The following AGBL1 variants were observed in gnomAD, a reference collection of about 807,000 sequenced individuals.
The protein encoded by AGBL1 is cytosolic carboxypeptidase 4.
Under a neutral mutation model 118.9 loss-of-function variants are expected in AGBL1, and 130 were observed. That is an observed-to-expected ratio of 1.09 (90% CI 0.95 to 1.26). AGBL1 has a LOEUF of 1.26. Ranked by LOEUF, AGBL1 falls within the 50% of genes most tolerant of loss-of-function variation. The pLI is 0.00. For missense variants in AGBL1, 1,584 were observed against 1,298.1 expected (o/e 1.22, Z -3.38); for synonymous variants, 555 against 478.9 (o/e 1.16, Z -2.08).
Position 86,980,590 on chromosome 15 carries a change from C to A in AGBL1, c.3222-7397C>A, listed in dbSNP as rs182913335. Among the ~76,000 whole-genome samples, 24 of 152,236 alleles carry A rather than the reference C, an allele frequency of 1.6e-4. No individual in the cohort carries two copies. The East Asian group carries it at 4.6e-3, about 29-fold the overall frequency. On this transcript the variant is annotated intron_variant, in intron 23 of 24. Coordinates refer to the AGBL1 transcript ENST00000441037. The stretch of plus-strand genomic sequence containing the variant: ...CTCCTAGGTTGTGGGCTGCAGCAGA[C>A]ATATTAGAGAGATTTTTTGAGAAAA...
chr15:86,571,253 C>A (rs537494962), intron 21 of AGBL1, among the ~76,000 whole-genome samples: 10 of 152,336 alleles, frequency 6.6e-5, no homozygotes, highest in African/African-American at 2.2e-4. Context: ...CTGCTCTTCA[C>A]TCCCAACATG....
At chr15:86,776,049 A>G (rs978387865) in intron 22 of AGBL1, among the ~76,000 whole-genome samples, 5 of 152,154 alleles carry the variant, frequency 3.3e-5, no homozygotes, top group Admixed American at 1.3e-4. Context: ...GTAGCTGACA[A>G]TCTGGTCTCT....
At chr15:86,749,863 C>T (rs2077819329) in intron 22 of AGBL1, among the ~76,000 whole-genome samples, 2 of 152,154 alleles carry the variant, frequency 1.3e-5, no homozygotes, top group Non-Finnish European at 2.9e-5. Flanking sequence ...ATGAAGCCCA[C>T]TTGATCATGG....
Position 86,279,783 on chromosome 15 carries a change from G to A in AGBL1, c.2220G>A (p.Met740Ile), listed in dbSNP as rs775933627. 1 of 1,613,396 alleles carries A rather than the reference G, an allele frequency of 6.2e-7. No individual in the cohort carries two copies. Among genetic ancestry groups the A allele is most frequent in the African/African-American group, 1.3e-5 (1 of 74,894 alleles). Residue 740 changes from methionine to isoleucine, a missense_variant and splice_region_variant, in exon 16 of 23, where the codon ATG (methionine) becomes ATA (isoleucine). Coordinates refer to ENST00000614907, the MANE Select transcript of AGBL1 (RefSeq NM_001386094.1). The stretch of plus-strand genomic sequence containing the variant: ...ATCCCTATACCTACACAGCCCTCAT[G>A]GTAACTTCCTCTTTATAGCATCACT... ...YHYPYTYTAL[M>I]THLDILEKSV...
rs2084684175 is a variant in AGBL1, at chr15:86,613,493, C to G, written c.2994+58956C>G. 6.6e-6 allele frequency among the ~76,000 whole-genome samples: 1 copy of G among 152,082 alleles called. No homozygotes were observed. Among genetic ancestry groups the G allele is most frequent in the Non-Finnish European group, 1.5e-5 (1 of 68,042 alleles). ...GACAGAGAAGGCTTGCTGTGAAGTA[C>G]TTAAAGGCTGCCATGTGAAAGAGAG... On this transcript the variant is annotated intron_variant, in intron 21 of 22. Transcript: ENST00000614907. The surrounding 1 kb of genome is among the most constrained non-coding windows in gnomAD (Gnocchi z 4.2).
At chr15:86,196,451 C>G (rs1239216921) in intron 5 of AGBL1, among the ~76,000 whole-genome samples, 1 of 152,074 alleles carries the variant, frequency 6.6e-6, no homozygotes, top group Non-Finnish European at 1.5e-5. Context: ...CTCAGAATCC[C>G]CAAATGTACT....
chr15:86,959,989 C>G lies in AGBL1; in HGVS notation c.3222-27998C>G, dbSNP rs184332937. The stretch of plus-strand genomic sequence containing the variant: ...TTGTGTCATCTCTAAAGATGCCCAC[C>G]AACTCTTTTAAGGTTTCGGGTAAAT... On this transcript the variant is annotated intron_variant, in intron 23 of 24. Transcript: ENST00000441037. Among the ~76,000 whole-genome samples the G allele has an allele frequency of 1.0e-3, 155 of 152,196 alleles. 1 individual carries two copies. The highest frequency in any genetic ancestry group is 8.8e-5 in the Non-Finnish European group (6 of 67,982).
At chr15:87,027,488 A>T (rs1470038470) in intron 24 of AGBL1, among the ~76,000 whole-genome samples, 5 of 132,636 alleles carry the variant, frequency 3.8e-5, no homozygotes, top group Non-Finnish European at 8.0e-5. Flanking sequence ...CATTATATAG[A>T]TGTATTATGC....
intron 23 of AGBL1, among the ~76,000 whole-genome samples, chr15:86,953,906 CT>C (rs2080904507): frequency 6.6e-6 from 1 of 151,994 alleles, no homozygotes; most frequent in Non-Finnish European, 1.5e-5. Context: ...ATTTGGATGC[CT>C]TTTATTTCTT....
rs76351693 is a variant in AGBL1, at chr15:86,272,568, C to T, written c.2075+862C>T. ...ATTCTAGAGTTTGGGATAGTTGTCA[C>T]TGTGGAAAAGAAACAGAGTATATAC... is the stretch of plus-strand genomic sequence containing the variant. On this transcript the variant is annotated intron_variant, in intron 15 of 22. Transcript: ENST00000614907. Among the ~76,000 whole-genome samples, 636 of 152,266 alleles carry T rather than the reference C, an allele frequency of 4.2e-3. 4 individuals carry two copies. The highest frequency in any genetic ancestry group is 8.1e-3 in the Admixed American group (124 of 15,296).
At chr15:86,654,076 C>T (rs529326895) in intron 21 of AGBL1, among the ~76,000 whole-genome samples, 16 of 152,186 alleles carry the variant, frequency 1.1e-4, no homozygotes, top group African/African-American at 2.6e-4. Flanking sequence ...AGAATGACTG[C>T]AGAGTTTCAC....
intron 18 of AGBL1, among the ~76,000 whole-genome samples, chr15:86,410,875 A>G (rs1596080865): frequency 1.3e-5 from 1 of 77,336 alleles, no homozygotes. Flanking sequence ...TATATAATAT[A>G]TATTATAATA....
intron 6 of AGBL1, among the ~76,000 whole-genome samples, chr15:86,239,214 G>A (rs910819471): frequency 3.3e-5 from 5 of 152,166 alleles, no homozygotes; most frequent in African/African-American, 1.2e-4. Flanking sequence ...CTTCGGAAAA[G>A]CATCTTTAAT....
intron 18 of AGBL1, among the ~76,000 whole-genome samples, chr15:86,441,763 G>C (rs1461127062): frequency 6.6e-6 from 1 of 152,212 alleles, no homozygotes; most frequent in Non-Finnish European, 1.5e-5. Flanking sequence ...AATAATAATG[G>C]AGTTGGCAGC....
intron 18 of AGBL1, among the ~76,000 whole-genome samples, chr15:86,433,266 C>T (rs201379346): frequency 0.011 from 845 of 74,414 alleles, 5 homozygotes; most frequent in Non-Finnish European, 0.014. Flanking sequence ...CCTCCTTCTT[C>T]TTTTTTTTTT....
chr15:86,663,814 A>T (rs534674671), intron 21 of AGBL1, among the ~76,000 whole-genome samples: 6 of 152,272 alleles, frequency 3.9e-5, no homozygotes, highest in Admixed American at 3.9e-4. Flanking sequence ...CTCTACTGCT[A>T]CTTAATTACA....
intron 22 of AGBL1, among the ~76,000 whole-genome samples, chr15:86,678,906 C>T (rs868669238): frequency 1.8e-4 from 27 of 152,112 alleles, no homozygotes; most frequent in South Asian, 4.1e-4. Flanking sequence ...TATACACATG[C>T]ATATAACTGG....
At chr15:86,826,690 C>T (rs1307487225) in intron 22 of AGBL1, among the ~76,000 whole-genome samples, 1 of 152,116 alleles carries the variant, frequency 6.6e-6, no homozygotes, top group Non-Finnish European at 1.5e-5. Flanking sequence ...TGAGAGAGAA[C>T]TCTGCACTAA....
At chr15:86,481,475 A>G (rs911389111) in intron 18 of AGBL1, among the ~76,000 whole-genome samples, 3 of 152,076 alleles carry the variant, frequency 2.0e-5, no homozygotes, top group Non-Finnish European at 2.9e-5. Flanking sequence ...TATAGCTTCT[A>G]TCTCTGAATC....
Sources: gnomAD v4.1 joint callset for allele counts (sites outside exome capture counted in the v4.1 genomes callset) on GRCh38, gnomAD v4.1.1 for gene constraint, Gnocchi (gnomAD v3.1) non-coding constraint, MANE v1.5 for transcripts, NCBI Gene and HGNC (gene_info 2026-07-23, HGNC 2026-07-21) for gene names.